FER: variants seen among roughly 807,000 people sequenced by gnomAD.
The protein encoded by FER is tyrosine-protein kinase Fer.
A neutral mutation model predicts 111.0 loss-of-function variants in FER; 63 were observed. The observed-to-expected ratio is 0.57, with a 90% CI of 0.46 to 0.70. The LOEUF (loss-of-function observed/expected upper bound fraction) is 0.70. Among genes scored for constraint, FER ranks in the 30% least tolerant of loss-of-function variants. The pLI, the probability that FER is intolerant of heterozygous loss-of-function variation, is 0.00. For synonymous variants in FER, 327 were observed against 313.9 expected (o/e 1.04, Z -0.44); for missense variants, 914 against 954.0 (o/e 0.96, Z 0.55).
At chr5:109,077,780 C>T (rs1022141020) in intron 16 of FER, among the ~76,000 whole-genome samples, 10 of 152,150 alleles carry the variant, frequency 6.6e-5, no homozygotes, top group Non-Finnish European at 1.5e-4. Flanking sequence ...CAGTGGATAT[C>T]ACACAATTAA....
intron 16 of FER, among the ~76,000 whole-genome samples, chr5:109,082,291 G>T (rs781106440): frequency 1.3e-5 from 2 of 151,962 alleles, no homozygotes; most frequent in Non-Finnish European, 2.9e-5. Flanking sequence ...GCACCACCCT[G>T]CACCCAGTAC....
intron 10 of FER, among the ~76,000 whole-genome samples, chr5:108,935,069 G>C (rs1433760515): frequency 6.6e-6 from 1 of 151,994 alleles, no homozygotes; most frequent in Non-Finnish European, 1.5e-5. Flanking sequence ...ATTTAAGGTA[G>C]CTGCTGCTTA....
chr5:108,891,814 C>G (rs1381173935), intron 9 of FER, among the ~76,000 whole-genome samples: 1 of 152,074 alleles, frequency 6.6e-6, no homozygotes, highest in Non-Finnish European at 1.5e-5. Flanking sequence ...ATCCCTCCCC[C>G]TTCCCCCACG....
At chr5:109,058,840 C>T (rs1774004492) in intron 16 of FER, among the ~76,000 whole-genome samples, 2 of 141,912 alleles carry the variant, frequency 1.4e-5, no homozygotes, top group Admixed American at 1.5e-4. Flanking sequence ...TCAAGAGATT[C>T]TCCTGCCTCA....
chr5:109,079,812 T>C (rs1312277803), intron 16 of FER, among the ~76,000 whole-genome samples: 4 of 152,142 alleles, frequency 2.6e-5, no homozygotes, highest in Non-Finnish European at 5.9e-5. Flanking sequence ...GCAATGTAGC[T>C]GTCAGACATC....
chr5:108,807,244 G>A (rs968262443), intron 3 of FER, among the ~76,000 whole-genome samples: 22 of 152,282 alleles, frequency 1.4e-4, no homozygotes, highest in Admixed American at 1.3e-3. Context: ...CCAGCCACGT[G>A]GAACTGTAAG....
intron 17 of FER, among the ~76,000 whole-genome samples, chr5:109,176,406 C>T (rs1757693706): frequency 6.6e-6 from 1 of 152,020 alleles, no homozygotes; most frequent in South Asian, 2.1e-4. Context: ...TGCGTGTTCT[C>T]ACTCATATGG....
chr5:109,085,687 C>T (rs913212869), intron 16 of FER, among the ~76,000 whole-genome samples: 2 of 151,682 alleles, frequency 1.3e-5, no homozygotes, highest in African/African-American at 4.8e-5. Context: ...GATGTAGGTT[C>T]TCCATAGGTG....
intron 10 of FER, among the ~76,000 whole-genome samples, chr5:108,912,411 G>C (rs530306796): frequency 2.3e-4 from 35 of 152,210 alleles, no homozygotes; most frequent in African/African-American, 6.7e-4. Context: ...ACCCAGGCTG[G>C]AGTGCAGTGG....
At position 109,012,721 on chromosome 5, in the gene FER, C is replaced by G. The variant is rs777694663; in HGVS notation, c.1657-24701C>G. Among the ~76,000 whole-genome samples the G allele has an allele frequency of 2.0e-5, 3 of 152,244 alleles. No individual in the cohort carries two copies. In the South Asian group the frequency reaches 6.2e-4, roughly 32 times the overall value. The stretch of plus-strand genomic sequence containing the variant: ...AAGTGAATGTAGAGGTATGGCTCAG[C>G]ATAACTGCTAATTACAGTTTCTTTT... On this transcript the variant is annotated intron_variant, in intron 13 of 19. Coordinates refer to ENST00000281092, the MANE Select transcript of FER (RefSeq NM_005246.4).
rs1371597163 is a variant in FER at position 109,192,864 on chromosome 5, A to C, written c.*5289A>C. The stretch of plus-strand genomic sequence containing the variant: ...ACAAGTAGCAATGTTCCTTGTCTTC[A>C]ATAACATTTGAGGGAAAGGAATCTA... On this transcript the variant is annotated 3_prime_UTR_variant, in exon 20 of 20. Transcript: ENST00000281092. 6.6e-6 allele frequency: 1 copy of C among 152,150 alleles called. No homozygotes were observed. The highest frequency in any genetic ancestry group is 2.4e-5 in the African/African-American group (1 of 41,440). The allele number at this position is 152,150 out of a possible 1,614,324, so 9.4% of individuals were successfully genotyped here.
chr5:109,118,075 G>A (rs200492075), intron 17 of FER, among the ~76,000 whole-genome samples: 15 of 151,860 alleles, frequency 9.9e-5, no homozygotes, highest in Admixed American at 7.2e-4. Context: ...GAGGGCATCC[G>A]TGTCTTGTGC....
At chr5:109,090,235 TAAA>T (rs763589022) in intron 16 of FER, among the ~76,000 whole-genome samples, 4 of 152,052 alleles carry the variant, frequency 2.6e-5, no homozygotes, top group African/African-American at 9.7e-5. Context: ...TACAAGCTCT[TAAA>T]AAAGACAACT....
chr5:109,012,091 C>T (rs1026729167), intron 13 of FER, among the ~76,000 whole-genome samples: 1 of 152,236 alleles, frequency 6.6e-6, no homozygotes, highest in African/African-American at 2.4e-5. Flanking sequence ...TCGCCGCACT[C>T]TTTGGTGCTC....
intron 10 of FER, among the ~76,000 whole-genome samples, chr5:108,935,422 G>T (rs1027452450): frequency 1.3e-5 from 2 of 151,952 alleles, no homozygotes; most frequent in East Asian, 3.9e-4. Flanking sequence ...TGGATTTAGG[G>T]TCCCTGGATA....
intron 17 of FER, among the ~76,000 whole-genome samples, chr5:109,151,453 G>A (rs1754844613): frequency 6.6e-6 from 1 of 152,108 alleles, no homozygotes; most frequent in African/African-American, 2.4e-5. Context: ...CAAGGTAAAA[G>A]ATGAGAAAAA....
At chr5:109,094,343 CCCAAATCCGAAATTCA>C (rs1382310972) in intron 16 of FER, among the ~76,000 whole-genome samples, 2 of 152,018 alleles carry the variant, frequency 1.3e-5, no homozygotes, top group Non-Finnish European at 2.9e-5. Flanking sequence ...GATTGAGCAT[CCCAAATCCGAAATTCA>C]AAATGCTCCT....
intron 13 of FER, among the ~76,000 whole-genome samples, chr5:108,991,645 CTTATTCATTTG>C (rs989809856): frequency 5.3e-5 from 8 of 151,848 alleles, no homozygotes; most frequent in Non-Finnish European, 1.0e-4. Flanking sequence ...TATCTCCTTC[CTTATTCATTTG>C]TTATTCATTC....
chr5:109,183,616 G>GAAAC (rs1171315779), intron 18 of FER, among the ~76,000 whole-genome samples: 1 of 152,084 alleles, frequency 6.6e-6, no homozygotes, highest in East Asian at 1.9e-4. Flanking sequence ...CAGAATAGGT[G>GAAAC]AAACACTCAA....
Sources: allele counts gnomAD v4.1 joint callset (sites outside exome capture counted in the v4.1 genomes callset), GRCh38; gene constraint gnomAD v4.1.1; transcripts MANE v1.5; gene names NCBI Gene and HGNC (gene_info 2026-07-23, HGNC 2026-07-21).